The following MTUS2 variants were observed in gnomAD, a reference collection of about 807,000 sequenced individuals.
MTUS2 encodes microtubule-associated tumor suppressor candidate 2.
Under a neutral mutation model 114.1 loss-of-function variants are expected in MTUS2, and 40 were observed. The ratio of observed to expected loss-of-function variants is 0.35; its 90% CI spans 0.27 to 0.46. The LOEUF is 0.46. MTUS2 is among the 20% of genes least tolerant of loss of function. MTUS2 has a pLI of 1.00. For missense variants in MTUS2, 1,679 were observed against 1,705.4 expected (o/e 0.98, Z 0.27); for synonymous variants, 688 against 672.0 (o/e 1.02, Z -0.37).
In MTUS2 at chr13:29,503,373, C is replaced by G; in HGVS notation, c.*167C>G. On this transcript the variant is annotated 3_prime_UTR_variant, in exon 16 of 16. Coordinates refer to ENST00000612955, the MANE Select transcript of MTUS2 (RefSeq NM_001033602.4). ...TCCCCGTGTAAGACTGCCCTGGTGT[C>G]GGCACTTAGGAATGTGTAAATGGTA... 1 of 691,016 alleles carries G rather than the reference C, an allele frequency of 1.4e-6. No individual in the cohort carries two copies. The highest frequency in any genetic ancestry group is 2.4e-6 in the Non-Finnish European group (1 of 414,584). The allele number at this position is 691,016 out of a possible 1,614,324, so 42.8% of individuals were successfully genotyped here.
chr13:28,821,543 T>G (rs148694261), intron 1 of MTUS2, among the ~76,000 whole-genome samples: 2 of 152,234 alleles, frequency 1.3e-5, no homozygotes, highest in Admixed American at 6.5e-5. Flanking sequence ...TACTCACATT[T>G]ATGGCTATTT....
chr13:29,198,048 G>A (rs1043693028), intron 5 of MTUS2, among the ~76,000 whole-genome samples: 3 of 152,230 alleles, frequency 2.0e-5, no homozygotes, highest in African/African-American at 7.2e-5. Flanking sequence ...TAGTTCTTTC[G>A]CTGTGCAGAA....
At chr13:29,282,898 A>G (rs924771516) in intron 6 of MTUS2, among the ~76,000 whole-genome samples, 4 of 152,194 alleles carry the variant, frequency 2.6e-5, no homozygotes, top group African/African-American at 4.8e-5. Context: ...CAGTGGCTGC[A>G]TGCTGTGGAT....
chr13:29,462,469 C>T (rs1393574167), intron 9 of MTUS2, among the ~76,000 whole-genome samples: 4 of 152,058 alleles, frequency 2.6e-5, no homozygotes, highest in African/African-American at 9.7e-5. Flanking sequence ...CAGTTGGGGC[C>T]ATTGCAGTTA....
Position 29,390,667 on chromosome 13 carries a change from A to G in MTUS2, c.3117+31194A>G, listed in dbSNP as rs1009833608. On this transcript the variant is annotated intron_variant, in intron 8 of 15. Coordinates refer to ENST00000612955, the MANE Select transcript of MTUS2 (RefSeq NM_001033602.4). Reference sequence around the variant, plus strand: ...ACTCCATCTCAAAAAAAAAAAAAAGAAAGAAAGAAAATATGTATTAGGGTC... The same window carrying G: ...ACTCCATCTCAAAAAAAAAAAAAAGGAAGAAAGAAAATATGTATTAGGGTC... Among the ~76,000 whole-genome samples the G allele has an allele frequency of 2.5e-4, 35 of 140,062 alleles. 1 individual carries two copies. The highest frequency in any genetic ancestry group is 1.1e-3 in the African/African-American group (33 of 30,634). 91.9% of individuals were successfully genotyped at this position (140,062 alleles called of 152,430 possible).
chr13:29,286,664 G>GTCTATCTATCTATCTATCTATCTATCTA (rs1481599709), intron 6 of MTUS2, among the ~76,000 whole-genome samples: 1 of 76,396 alleles, frequency 1.3e-5, no homozygotes, highest in Admixed American at 1.2e-4. Context: ...CTGTCTGTCT[G>GTCTATCTATCTATCTATCTATCTATCTA]TCTGTCTGTC....
intron 8 of MTUS2, among the ~76,000 whole-genome samples, chr13:29,359,698 A>G (rs1318222740): frequency 1.3e-5 from 2 of 152,238 alleles, no homozygotes; most frequent in Non-Finnish European, 1.5e-5. Flanking sequence ...GATCATTAAT[A>G]ATCTTCATTC....
At chr13:28,833,089 T>C (rs1201328857) in intron 1 of MTUS2, among the ~76,000 whole-genome samples, 5 of 152,134 alleles carry the variant, frequency 3.3e-5, no homozygotes, top group African/African-American at 4.8e-5. Context: ...TATTTTTCCA[T>C]GAAGAAAAGC....
At chr13:28,966,734 A>AAC in intron 2 of MTUS2, among the ~76,000 whole-genome samples, 1 of 151,700 alleles carries the variant, frequency 6.6e-6, no homozygotes, top group Non-Finnish European at 1.5e-5. Context: ...CAAAAAAAAA[A>AAC]AAAAAAAAAA....
intron 4 of MTUS2, among the ~76,000 whole-genome samples, chr13:29,090,565 G>A (rs1396288945): frequency 1.3e-5 from 2 of 152,212 alleles, no homozygotes; most frequent in Non-Finnish European, 2.9e-5. Context: ...GTTCCAATGG[G>A]AAGGCAGGGG....
chr13:28,951,347 CATTT>C (rs370950936), intron 2 of MTUS2, among the ~76,000 whole-genome samples: 11 of 152,244 alleles, frequency 7.2e-5, no homozygotes, highest in African/African-American at 2.6e-4. Context: ...AATGTCTTTT[CATTT>C]ATTTGTCTTT....
At chr13:29,241,863 C>T (rs528304672) in intron 5 of MTUS2, among the ~76,000 whole-genome samples, 1 of 152,050 alleles carries the variant, frequency 6.6e-6, no homozygotes, top group Non-Finnish European at 1.5e-5. Flanking sequence ...AAGCCTTGCC[C>T]ATTTCTGGGT....
chr13:29,120,863 G>A (rs377685789), intron 5 of MTUS2, among the ~76,000 whole-genome samples: 7 of 152,112 alleles, frequency 4.6e-5, no homozygotes, highest in African/African-American at 1.7e-4. Flanking sequence ...GATGAAAGAA[G>A]GTTGTATAAA....
chr13:29,463,992 C>CAAAAGAAAAG (rs61554197), intron 9 of MTUS2, among the ~76,000 whole-genome samples: 19 of 151,818 alleles, frequency 1.3e-4, no homozygotes, highest in African/African-American at 3.6e-4. Flanking sequence ...GACTGTGTCT[C>CAAAAGAAAAG]AAAAGAAAAG....
chr13:29,467,319 C>T (rs1879959671), intron 9 of MTUS2, among the ~76,000 whole-genome samples: 1 of 152,164 alleles, frequency 6.6e-6, no homozygotes, highest in Non-Finnish European at 1.5e-5. Context: ...ATTTATGTAA[C>T]AAATATTCAT....
At position 29,025,283 on chromosome 13, in the gene MTUS2, A is replaced by G. The variant is rs1195356999; in HGVS notation, c.585A>G (p.Pro195=). The change falls in exon 3 of 16, where the codon CCA becomes CCG. Residue 195 remains proline (P), a synonymous_variant. Coordinates refer to ENST00000612955, the MANE Select transcript of MTUS2 (RefSeq NM_001033602.4). ...AAVGSLTPQH[P]QPLSLDSREA... ...TCGGGAGCCTGACTCCGCAGCATCC[A>G]CAGCCTCTATCCCTCGACTCCCGGG... The G allele has an allele frequency of 1.2e-6, 2 of 1,613,834 alleles. No individual in the cohort carries two copies. The highest frequency in any genetic ancestry group is 2.7e-5 in the African/African-American group (2 of 74,926).
intron 5 of MTUS2, among the ~76,000 whole-genome samples, chr13:29,125,760 C>T (rs182352833): frequency 1.9e-3 from 284 of 152,198 alleles, no homozygotes; most frequent in African/African-American, 6.4e-3. Context: ...ATTTTTTAAA[C>T]CCAGAGGACT....
At chr13:28,983,404 G>T (rs1260646588) in intron 2 of MTUS2, among the ~76,000 whole-genome samples, 1 of 152,168 alleles carries the variant, frequency 6.6e-6, no homozygotes, top group African/African-American at 2.4e-5. Context: ...CCAAGTTGAG[G>T]TGTGCTGTAA....
intron 5 of MTUS2, among the ~76,000 whole-genome samples, chr13:29,248,466 A>G (rs913116387): frequency 2.2e-4 from 33 of 152,212 alleles, no homozygotes; most frequent in African/African-American, 7.5e-4. Flanking sequence ...ATTTTTAAAT[A>G]TATTTTTTAT....
Sources: allele counts gnomAD v4.1 joint callset (sites outside exome capture counted in the v4.1 genomes callset), GRCh38; gene constraint gnomAD v4.1.1; transcripts MANE v1.5; gene names NCBI Gene and HGNC (gene_info 2026-07-23, HGNC 2026-07-21).